TCF4: variants seen among roughly 807,000 people sequenced by gnomAD.
The protein encoded by TCF4 is SL3-3 enhancer factor 2.
TCF4 carries 3 observed loss-of-function variants against 82.1 expected under a neutral mutation model. That is an observed-to-expected ratio of 0.04 (90% CI 0.02 to 0.09). The LOEUF (loss-of-function observed/expected upper bound fraction) is 0.09, where lower values mean the gene tolerates loss of function less well. Among genes scored for constraint, TCF4 ranks in the 10% least tolerant of loss-of-function variants. The probability of loss-of-function intolerance (pLI) is 1.00; values close to 1 mark genes in which losing one functional copy is unlikely to be tolerated. For missense variants in TCF4, 518 were observed against 852.7 expected (o/e 0.61, Z 4.89); for synonymous variants, 276 against 309.6 (o/e 0.89, Z 1.14).
intron 3 of TCF4, among the ~76,000 whole-genome samples, chr18:55,481,774 A>G (rs78423021): frequency 0.014 from 2,191 of 152,306 alleles, 48 homozygotes; most frequent in African/African-American, 0.05. Context: ...TTTTGGACCT[A>G]TGTCCTTCCA....
At chr18:55,384,946 T>C (rs555864249) in intron 6 of TCF4, among the ~76,000 whole-genome samples, 1 of 152,332 alleles carries the variant, frequency 6.6e-6, no homozygotes, top group Non-Finnish European at 1.5e-5. Context: ...CACTAAATGC[T>C]GAATTCACTA....
intron 11 of TCF4, chr18:55,267,558 A>C (rs1432600459): frequency 6.6e-6 from 1 of 152,146 alleles, no homozygotes; most frequent in African/African-American, 2.4e-5. Flanking sequence ...ATTTTCACGT[A>C]CGCAATTGGT....
intron 8 of TCF4, chr18:55,322,322 T>G: frequency 2.0e-6 from 2 of 1,019,204 alleles, no homozygotes; most frequent in Non-Finnish European, 2.3e-6. Flanking sequence ...ATGATGCACA[T>G]CTAATAACTC....
intron 5 of TCF4, chr18:55,422,369 T>C (rs1037537509): frequency 1.0e-6 from 1 of 984,574 alleles, no homozygotes; most frequent in Non-Finnish European, 1.2e-6. Context: ...TACATTTAAA[T>C]AGTCTTGAAA....
rs545060716 is a variant in TCF4 at position 55,537,198 on chromosome 18, C to T, written c.145+48082G>A. On this transcript the variant is annotated intron_variant, in intron 3 of 19. Coordinates refer to ENST00000354452, the MANE Select transcript of TCF4 (RefSeq NM_001083962.2). Reference sequence around the variant, plus strand: ...TGGAAAGGCTTTACAAAAAAGCCAACTATTATTTCACCAATGTTTGCAAAA... The same window carrying T: ...TGGAAAGGCTTTACAAAAAAGCCAATTATTATTTCACCAATGTTTGCAAAA... Among the ~76,000 whole-genome samples, 16 of 150,458 alleles carry T rather than the reference C, an allele frequency of 1.1e-4. 1 individual carries two copies. The South Asian group carries it at 2.7e-3, about 26-fold the overall frequency.
At chr18:55,387,760 C>T (rs1199746804) in intron 6 of TCF4, among the ~76,000 whole-genome samples, 1 of 152,180 alleles carries the variant, frequency 6.6e-6, no homozygotes, top group Non-Finnish European at 1.5e-5. Flanking sequence ...CAGTATGATT[C>T]AATGGTAGCT....
At chr18:55,276,879 A>G (rs1016168526) in intron 9 of TCF4, among the ~76,000 whole-genome samples, 1 of 152,180 alleles carries the variant, frequency 6.6e-6, no homozygotes, top group African/African-American at 2.4e-5. Context: ...TTGAGTTCTT[A>G]AATCCGGAAG....
chr18:55,550,356 T>A (rs768124874), intron 3 of TCF4: 1 of 152,250 alleles, frequency 6.6e-6, no homozygotes, highest in Non-Finnish European at 1.5e-5. Flanking sequence ...ACATTTAGTA[T>A]AACATGGGCC....
At chr18:55,362,538 C>A (rs1306993531) in intron 6 of TCF4, among the ~76,000 whole-genome samples, 2 of 152,152 alleles carry the variant, frequency 1.3e-5, no homozygotes, top group Admixed American at 1.3e-4. Context: ...CCATTCCGAA[C>A]TTGCTTATTC....
At position 55,275,760 on chromosome 18, in the gene TCF4, G is replaced by A. The variant is rs749275222; in HGVS notation, c.656-8C>T. The A allele has an allele frequency of 6.2e-7, 1 of 1,613,694 alleles. No individual in the cohort carries two copies. The highest frequency in any genetic ancestry group is 8.5e-7 in the Non-Finnish European group (1 of 1,179,676). On this transcript the variant is annotated splice_region_variant and splice_polypyrimidine_tract_variant and intron_variant, in intron 9 of 19. Coordinates refer to ENST00000354452, the MANE Select transcript of TCF4 (RefSeq NM_001083962.2). The stretch of plus-strand genomic sequence containing the variant: ...CACTGCTGTGATGGCCATCTGTAAA[G>A]GACAAAGACAACCATGACTTTCTGA...
intron 8 of TCF4, among the ~76,000 whole-genome samples, chr18:55,284,673 A>G (rs1352704627): frequency 3.3e-5 from 5 of 152,188 alleles, no homozygotes; most frequent in African/African-American, 1.2e-4. Flanking sequence ...AAGAAAAATC[A>G]GTTCAGAATC....
chr18:55,427,093 T>G (rs1256755702), intron 5 of TCF4, among the ~76,000 whole-genome samples: 1 of 152,146 alleles, frequency 6.6e-6, no homozygotes, highest in East Asian at 1.9e-4. Flanking sequence ...GAAAAAAACT[T>G]TAAAAACCAG....
At chr18:55,261,576 C>G (rs35918540) in intron 11 of TCF4, 43 bp from the exon 12 acceptor site, 1 of 1,607,914 alleles carries the variant, frequency 6.2e-7, no homozygotes, top group Non-Finnish European at 8.5e-7. Flanking sequence ...GGCAGTGAGA[C>G]GTCTAACAAT....
intron 3 of TCF4, among the ~76,000 whole-genome samples, chr18:55,522,315 T>C (rs1277239332): frequency 1.3e-5 from 2 of 152,132 alleles, no homozygotes; most frequent in East Asian, 3.9e-4. Context: ...CGTCCTAAAG[T>C]TTAACATGTT....
chr18:55,375,305 CAT>C (rs2090453683), intron 6 of TCF4, among the ~76,000 whole-genome samples: 1 of 152,070 alleles, frequency 6.6e-6, no homozygotes, highest in African/African-American at 2.4e-5. Context: ...TATACACACA[CAT>C]GCACACAAGC....
chr18:55,530,976 G>T (rs1395348823), intron 3 of TCF4, among the ~76,000 whole-genome samples: 1 of 151,746 alleles, frequency 6.6e-6, no homozygotes, highest in African/African-American at 2.4e-5. Flanking sequence ...AATTGAGACG[G>T]AGTCTTGTTC....
chr18:55,497,205 TTTTG>T (rs1455265520), intron 3 of TCF4, among the ~76,000 whole-genome samples: 6 of 152,224 alleles, frequency 3.9e-5, no homozygotes, highest in Non-Finnish European at 5.9e-5. Flanking sequence ...TTTGTTTGAT[TTTTG>T]TTTGTGTACC....
At chr18:55,407,682 G>C (rs2094161751) in intron 5 of TCF4, among the ~76,000 whole-genome samples, 1 of 150,104 alleles carries the variant, frequency 6.7e-6, no homozygotes, top group African/African-American at 2.5e-5. Context: ...ATGTTTTGCT[G>C]ATCTATTCAA....
intron 5 of TCF4, among the ~76,000 whole-genome samples, chr18:55,415,294 A>G (rs531731501): frequency 6.6e-6 from 1 of 152,330 alleles, no homozygotes; most frequent in South Asian, 2.1e-4. Flanking sequence ...ATAAAAACAA[A>G]TTAACGGCCA....
Sources: allele counts gnomAD v4.1 joint callset (sites outside exome capture counted in the v4.1 genomes callset), GRCh38; gene constraint gnomAD v4.1.1; transcripts MANE v1.5; gene names NCBI Gene and HGNC (gene_info 2026-07-23, HGNC 2026-07-21).